Variants in OR8D1 observed in about 807,000 individuals in gnomAD.
The protein encoded by OR8D1 is olfactory receptor 8D1.
For synonymous variants in OR8D1, 143 were observed against 147.0 expected (o/e 0.97, Z 0.20); for missense variants, 384 against 366.8 (o/e 1.05, Z -0.38).
intron 1 of OR8D1, among the ~76,000 whole-genome samples, chr11:124,313,276 G>A (rs1280709286): frequency 2.1e-5 from 3 of 146,304 alleles, no homozygotes; most frequent in Non-Finnish European, 4.5e-5. Context: ...GAAGGAGAGA[G>A]AGAGAGAAAG....
intron 1 of OR8D1, 79 bp from the exon 2 acceptor site, chr11:124,311,755 A>G (rs899000187): frequency 1.3e-5 from 2 of 152,308 alleles, no homozygotes; most frequent in East Asian, 3.9e-4. Context: ...ACCCTTTTCA[A>G]CATGAACTGG....
In OR8D1 at chr11:124,303,598, C is replaced by G. The variant is rs1032378721; in HGVS notation, c.*6242G>C. 4.0e-5 allele frequency: 6 copies of G among 151,804 alleles called. No homozygotes were observed. Among genetic ancestry groups the G allele is most frequent in the Admixed American group, 1.3e-4 (2 of 15,214 alleles). 9.4% of individuals were successfully genotyped at this position (151,804 alleles called of 1,614,324 possible). On this transcript the variant is annotated 3_prime_UTR_variant, in exon 3 of 3. Transcript: ENST00000641015. ...TCAATTATTTTGTGTTTCAGTTATC[C>G]TTTTCTGATTTGTAGCTTGCCTTTA...
intron 1 of OR8D1, among the ~76,000 whole-genome samples, chr11:124,312,441 C>G (rs1257836117): frequency 1.3e-5 from 2 of 151,848 alleles, no homozygotes; most frequent in Admixed American, 1.3e-4. Context: ...CAGGAGGAAA[C>G]ACAGCAGAGC....
Position 124,307,214 on chromosome 11 carries a change from G to A in OR8D1, c.*2626C>T, listed in dbSNP as rs1010261887. 6.5e-5 allele frequency: 9 copies of A among 137,676 alleles called. No individual in the cohort carries two copies. Among genetic ancestry groups the A allele is most frequent in the Non-Finnish European group, 1.0e-4 (6 of 59,836 alleles). 8.5% of individuals were successfully genotyped at this position (137,676 alleles called of 1,614,324 possible). A position where few individuals can be genotyped will look rare whatever the true frequency, so the allele number is the denominator to read the frequency against. On this transcript the variant is annotated 3_prime_UTR_variant, in exon 3 of 3. Coordinates refer to ENST00000641015, the MANE Select transcript of OR8D1 (RefSeq NM_001002917.2). ...AGTACAAAAGTGTACTTACAAGTTT[G>A]GGACTTTCCATGAGGAGAGAGGATT...
chr11:124,309,796 G>A lies in OR8D1; in HGVS notation c.*44C>T. 1.8e-6 allele frequency: 2 copies of A among 1,092,906 alleles called. No homozygotes were observed. The highest frequency in any genetic ancestry group is 2.5e-6 in the Non-Finnish European group (2 of 790,796). The allele number at this position is 1,092,906 out of a possible 1,614,324, so 67.7% of individuals were successfully genotyped here. ...TAGAAAAAAGGAATATATGTTCATT[G>A]GAACTATTCATTTTTCCCATCTATA... On this transcript the variant is annotated 3_prime_UTR_variant, in exon 3 of 3. Transcript: ENST00000641015.
chr11:124,312,947 G>T (rs1862435403), intron 1 of OR8D1, among the ~76,000 whole-genome samples: 1 of 151,878 alleles, frequency 6.6e-6, no homozygotes, highest in Admixed American at 6.6e-5. Flanking sequence ...GCTGAGGTGA[G>T]CGGATCACCT....
In OR8D1 at chr11:124,304,423, T is replaced by G. The variant is rs1202760159; in HGVS notation, c.*5417A>C. ...TTCCATTATACATATATTCCATAAT[T>G]TCCTTCTCCATTTATCAGATGACGG... On this transcript the variant is annotated 3_prime_UTR_variant, in exon 3 of 3. Transcript: ENST00000641015. 1 of 151,932 alleles carries G rather than the reference T, an allele frequency of 6.6e-6. No individual in the cohort carries two copies. The highest frequency in any genetic ancestry group is 1.5e-5 in the Non-Finnish European group (1 of 67,892). The allele number at this position is 151,932 out of a possible 1,614,324, so 9.4% of individuals were successfully genotyped here.
rs1833427467 is a variant in OR8D1, at chr11:124,305,660, A to C, written c.*4180T>G. 2.0e-5 allele frequency: 3 copies of C among 151,820 alleles called. No homozygotes were observed. The highest frequency in any genetic ancestry group is 2.0e-4 in the Admixed American group (3 of 15,202). The allele number at this position is 151,820 out of a possible 1,614,324, so 9.4% of individuals were successfully genotyped here. A position where few individuals can be genotyped will look rare whatever the true frequency, so the allele number is the denominator to read the frequency against. ...ATTTAAAGAGCTATACTCTTGGTGC[A>C]TTTTCTGTGTATACATATATAAAAT... On this transcript the variant is annotated 3_prime_UTR_variant, in exon 3 of 3. Coordinates refer to ENST00000641015, the MANE Select transcript of OR8D1 (RefSeq NM_001002917.2).
At position 124,310,159 on chromosome 11, in the gene OR8D1, G is replaced by C; in HGVS notation, c.608C>G (p.Ala203Gly). The C allele has an allele frequency of 6.2e-7, 1 of 1,613,626 alleles. No individual in the cohort carries two copies. Among genetic ancestry groups the C allele is most frequent in the Non-Finnish European group, 8.5e-7 (1 of 1,179,848 alleles). ...HLNELLLFII[A>G]GFNTLVPTLA... ...GGTGGGCACCAAGGTGTTAAACCCCGCAATGATAAAAAGTAGAAGCTCATT... is the reference window on the plus strand; with the variant it reads ...GGTGGGCACCAAGGTGTTAAACCCCCCAATGATAAAAAGTAGAAGCTCATT... The change falls in exon 3 of 3, where the codon GCG becomes GGG. Residue 203 changes from alanine to glycine, a missense_variant. Transcript: ENST00000641015.
At chr11:124,310,972 A>G (rs1274577131) in intron 2 of OR8D1, 190 bp from the exon 3 acceptor site, 4 of 504,390 alleles carry the variant, frequency 7.9e-6, no homozygotes, top group Non-Finnish European at 1.0e-5. Flanking sequence ...TCCAGAATTT[A>G]AGTTACAAAA....
Position 124,303,939 on chromosome 11 carries a change from A to T in OR8D1, c.*5901T>A, listed in dbSNP as rs373414334. 1 of 151,978 alleles carries T rather than the reference A, an allele frequency of 6.6e-6. No homozygotes were observed. The highest frequency in any genetic ancestry group is 1.5e-5 in the Non-Finnish European group (1 of 67,936). 9.4% of individuals were successfully genotyped at this position (151,978 alleles called of 1,614,324 possible). A position where few individuals can be genotyped will look rare whatever the true frequency, so the allele number is the denominator to read the frequency against. ...TTTATGAGCTAATATCACTTTTTAC[A>T]TTTTTAAATGGTTGAAAAAAATCAA... is the stretch of plus-strand genomic sequence containing the variant. On this transcript the variant is annotated 3_prime_UTR_variant, in exon 3 of 3. Transcript: ENST00000641015.
chr11:124,310,978 C>A (rs963685460), intron 2 of OR8D1, 196 bp from the exon 3 acceptor site: 3 of 497,526 alleles, frequency 6.0e-6, no homozygotes, highest in Non-Finnish European at 1.1e-5. Context: ...ATTTAAGTTA[C>A]AAAAAAGTAC....
rs1488099621 is a variant in OR8D1, at chr11:124,306,658, T to A, written c.*3182A>T. 1 of 152,060 alleles carries A rather than the reference T, an allele frequency of 6.6e-6. No homozygotes were observed. Among genetic ancestry groups the A allele is most frequent in the East Asian group, 1.9e-4 (1 of 5,160 alleles). 9.4% of individuals were successfully genotyped at this position (152,060 alleles called of 1,614,324 possible). ...TTAAGAGTTACTTCGAATTTCCCAA[T>A]TATAATTTTGAATCTTCTGTATTTC... On this transcript the variant is annotated 3_prime_UTR_variant, in exon 3 of 3. Transcript: ENST00000641015.
rs1862367655 is a variant in OR8D1 at position 124,306,208 on chromosome 11, A to AT, written c.*3631_*3632insA. On this transcript the variant is annotated 3_prime_UTR_variant, in exon 3 of 3. Coordinates refer to ENST00000641015, the MANE Select transcript of OR8D1 (RefSeq NM_001002917.2). ...GTATATTATTTGATATATATTATCA[A>AT]CCTGTCTTACAGAAATTAATACAGT... 1 of 151,380 alleles carries AT rather than the reference A, an allele frequency of 6.6e-6. No individual in the cohort carries two copies. Among genetic ancestry groups the AT allele is most frequent in the Non-Finnish European group, 1.5e-5 (1 of 67,754 alleles). 9.4% of individuals were successfully genotyped at this position (151,380 alleles called of 1,614,324 possible).
chr11:124,311,079 T>A (rs1175998833), intron 2 of OR8D1, among the ~76,000 whole-genome samples: 2 of 152,166 alleles, frequency 1.3e-5, no homozygotes, highest in Non-Finnish European at 2.9e-5. Flanking sequence ...ATAGCCAATT[T>A]GTCACAGTTA....
intron 2 of OR8D1, among the ~76,000 whole-genome samples, chr11:124,311,355 C>T (rs772735008): frequency 1.3e-5 from 2 of 152,120 alleles, no homozygotes; most frequent in Non-Finnish European, 2.9e-5. Context: ...CATAATACCT[C>T]TGGCCCTCTG....
rs1263185414 is a variant in OR8D1 at position 124,313,896 on chromosome 11, G to T, written c.-297C>A. 2.6e-5 allele frequency: 4 copies of T among 152,152 alleles called. No homozygotes were observed. The East Asian group carries it at 7.7e-4, about 29-fold the overall frequency. 9.4% of individuals were successfully genotyped at this position (152,152 alleles called of 1,614,324 possible). A position where few individuals can be genotyped will look rare whatever the true frequency, so the allele number is the denominator to read the frequency against. ...GTAAAACATCAAAATTTATTAAATA[G>T]TACAAACAACTCTTGGACCTTGAAG... On this transcript the variant is annotated 5_prime_UTR_variant, in exon 1 of 3. Coordinates refer to ENST00000641015, the MANE Select transcript of OR8D1 (RefSeq NM_001002917.2).
intron 2 of OR8D1, among the ~76,000 whole-genome samples, chr11:124,311,270 G>A (rs936429034): frequency 6.6e-6 from 1 of 152,062 alleles, no homozygotes; most frequent in Non-Finnish European, 1.5e-5. Context: ...CATGGGGTTG[G>A]GTGTAAGGCA....
At position 124,310,508 on chromosome 11, in the gene OR8D1, C is replaced by T; in HGVS notation, c.259G>A (p.Gly87Arg). 1 of 1,613,680 alleles carries T rather than the reference C, an allele frequency of 6.2e-7. No homozygotes were observed. Among genetic ancestry groups the T allele is most frequent in the Non-Finnish European group, 8.5e-7 (1 of 1,179,862 alleles). ...ITPKMLVNFL[G>R]KKNTILYSEC... ...GAGTAAAGGATTGTATTCTTCTTTC[C>T]TAGGAAGTTCACCAGCATTTTGGGA... The change falls in exon 3 of 3, where the codon GGA becomes AGA. Residue 87 changes from glycine (G) to arginine (R), a missense_variant. Transcript: ENST00000641015.
Sources: allele counts gnomAD v4.1 joint callset (sites outside exome capture counted in the v4.1 genomes callset), GRCh38; gene constraint gnomAD v4.1.1; transcripts MANE v1.5; gene names NCBI Gene and HGNC (gene_info 2026-07-23, HGNC 2026-07-21).